Variants in FYN observed in about 807,000 individuals in gnomAD.
FYN encodes the protein tyrosine-protein kinase Fyn.
A neutral mutation model predicts 70.2 loss-of-function variants in FYN; 10 were observed. The observed-to-expected ratio is 0.14, with a 90% CI of 0.09 to 0.24. The LOEUF (loss-of-function observed/expected upper bound fraction) is 0.24, where lower values mean the gene tolerates loss of function less well. Among genes scored for constraint, FYN ranks in the 10% least tolerant of loss-of-function variants. The pLI is 1.00. For synonymous variants in FYN, 236 were observed against 248.6 expected, an observed-to-expected ratio of 0.95 and a Z score of 0.48; for missense variants, 319 against 673.1, an observed-to-expected ratio of 0.47 and a Z score of 5.82.
intron 1 of FYN, among the ~76,000 whole-genome samples, chr6:111,866,047 T>C (rs1774094060): frequency 6.6e-6 from 1 of 152,226 alleles, no homozygotes; most frequent in Admixed American, 6.5e-5. Flanking sequence ...ACACAATATA[T>C]TGTCATCATC....
At chr6:111,674,221 G>C (rs143506852) in intron 13 of FYN, among the ~76,000 whole-genome samples, 107 of 152,328 alleles carry the variant, frequency 7.0e-4, no homozygotes, top group African/African-American at 2.4e-3. Flanking sequence ...CTCCTACTGA[G>C]AGAGGAGAGA....
At chr6:111,818,340 C>G (rs146885117) in intron 2 of FYN, among the ~76,000 whole-genome samples, 2 of 152,238 alleles carry the variant, frequency 1.3e-5, no homozygotes, top group African/African-American at 2.4e-5. Context: ...ACCCAACACA[C>G]AAAGCATTTA....
chr6:111,678,713 A>C (rs1267610985), intron 12 of FYN, among the ~76,000 whole-genome samples: 1 of 152,168 alleles, frequency 6.6e-6, no homozygotes, highest in East Asian at 1.9e-4. Flanking sequence ...TTGGCTTCTC[A>C]ATCCTTGGTG....
At chr6:111,775,127 C>T (rs1803655880) in intron 3 of FYN, among the ~76,000 whole-genome samples, 2 of 152,172 alleles carry the variant, frequency 1.3e-5, no homozygotes, top group South Asian at 2.1e-4. Flanking sequence ...CCACCTGGAT[C>T]CCAGGTGGGA....
intron 12 of FYN, among the ~76,000 whole-genome samples, chr6:111,683,524 C>T (rs970503766): frequency 2.6e-5 from 4 of 152,140 alleles, no homozygotes; most frequent in Admixed American, 6.5e-5. Context: ...AAGCCAAATC[C>T]TTCCTACAGA....
chr6:111,824,159 G>T (rs546601259), intron 2 of FYN, among the ~76,000 whole-genome samples: 2 of 152,330 alleles, frequency 1.3e-5, no homozygotes, highest in Admixed American at 1.3e-4. Flanking sequence ...ACTTTGGAAA[G>T]TTGAAAAACA....
At chr6:111,707,830 T>A in intron 6 of FYN, 92 bp downstream of exon 6, 1 of 997,068 alleles carries the variant, frequency 1.0e-6, no homozygotes, top group Admixed American at 1.8e-5. Context: ...TGCTGTGAAT[T>A]TCTTCTCCCT....
intron 1 of FYN, among the ~76,000 whole-genome samples, chr6:111,861,472 G>A (rs1462894420): frequency 1.3e-5 from 2 of 152,126 alleles, no homozygotes; most frequent in Non-Finnish European, 2.9e-5. Flanking sequence ...AATAGACGGC[G>A]TATGGTTAAG....
At chr6:111,819,163 T>C (rs1772581851) in intron 2 of FYN, among the ~76,000 whole-genome samples, 1 of 152,152 alleles carries the variant, frequency 6.6e-6, no homozygotes, top group African/African-American at 2.4e-5. Context: ...CCAGAGTGAG[T>C]TGTCTCCTTC....
chr6:111,768,619 C>A (rs1056580482), intron 3 of FYN, among the ~76,000 whole-genome samples: 13 of 152,226 alleles, frequency 8.5e-5, no homozygotes, highest in Admixed American at 7.9e-4. Context: ...TTTTTAATAT[C>A]ATCTCAGGTA....
chr6:111,823,601 T>G (rs1164563834), intron 2 of FYN, among the ~76,000 whole-genome samples: 1 of 152,214 alleles, frequency 6.6e-6, no homozygotes, highest in Admixed American at 6.5e-5. Flanking sequence ...CTCTTACTTT[T>G]AAAATATCCA....
At chr6:111,790,787 T>C (rs1157512802) in intron 2 of FYN, among the ~76,000 whole-genome samples, 1 of 152,206 alleles carries the variant, frequency 6.6e-6, no homozygotes, top group African/African-American at 2.4e-5. Flanking sequence ...TTCTCTCTCT[T>C]GGCTTTTTAT....
At chr6:111,757,368 T>C (rs1802784831) in intron 3 of FYN, among the ~76,000 whole-genome samples, 1 of 152,180 alleles carries the variant, frequency 6.6e-6, no homozygotes, top group Admixed American at 6.5e-5. Context: ...GCAGGGAGTA[T>C]AATTTCATGG....
chr6:111,757,585 A>G (rs1437928976), intron 3 of FYN, among the ~76,000 whole-genome samples: 1 of 152,212 alleles, frequency 6.6e-6, no homozygotes, highest in Non-Finnish European at 1.5e-5. Context: ...CACAGCTTAC[A>G]ATAAAGTCAG....
intron 12 of FYN, among the ~76,000 whole-genome samples, chr6:111,681,116 C>T (rs1409033489): frequency 2.0e-5 from 3 of 151,632 alleles, no homozygotes; most frequent in African/African-American, 7.3e-5. Context: ...CAACCTCCAC[C>T]TCATGGGTAC....
chr6:111,774,078 C>CTCTCCAA (rs1015337714), intron 3 of FYN, among the ~76,000 whole-genome samples: 6 of 152,352 alleles, frequency 3.9e-5, no homozygotes, highest in Admixed American at 1.3e-4. Flanking sequence ...TTTCCAAAGA[C>CTCTCCAA]AGTACTCTCT....
At chr6:111,768,939 A>T (rs1803333743) in intron 3 of FYN, among the ~76,000 whole-genome samples, 1 of 152,236 alleles carries the variant, frequency 6.6e-6, no homozygotes, top group African/African-American at 2.4e-5. Flanking sequence ...TCAGCATGGG[A>T]TAAAAGGATT....
intron 2 of FYN, among the ~76,000 whole-genome samples, chr6:111,819,445 A>C (rs1772588770): frequency 6.6e-6 from 1 of 152,194 alleles, no homozygotes; most frequent in Admixed American, 6.5e-5. Context: ...ACTCACTTTA[A>C]GTCTCCAACT....
chr6:111,847,075 C>A (rs1318088633), intron 1 of FYN, among the ~76,000 whole-genome samples: 2 of 152,196 alleles, frequency 1.3e-5, no homozygotes, highest in African/African-American at 4.8e-5. Context: ...CCATACCTTC[C>A]CCACTTCCTA....
Sources: gnomAD v4.1 joint callset for allele counts (sites outside exome capture counted in the v4.1 genomes callset) on GRCh38, gnomAD v4.1.1 for gene constraint, MANE v1.5 for transcripts, NCBI Gene and HGNC (gene_info 2026-07-23, HGNC 2026-07-21) for gene names.